Variants in COBL observed in about 807,000 individuals in gnomAD.
COBL encodes protein cordon-bleu.
In COBL, 51 loss-of-function variants were observed where a neutral mutation model predicts 98.8. That is an observed-to-expected ratio of 0.52 (90% CI 0.41 to 0.65). The LOEUF is 0.65. Ranked by LOEUF, COBL falls within the 30% of genes least tolerant of loss-of-function variation. The pLI, the probability that COBL is intolerant of heterozygous loss-of-function variation, is 0.00. For synonymous variants in COBL, 634 were observed against 651.7 expected, an observed-to-expected ratio of 0.97 and a Z score of 0.41; for missense variants, 1,617 against 1,617.5, an observed-to-expected ratio of 1.00 and a Z score of 0.01.
At chr7:51,189,120 G>C (rs1239931860) in intron 4 of COBL, among the ~76,000 whole-genome samples, 3 of 152,112 alleles carry the variant, frequency 2.0e-5, no homozygotes, top group Non-Finnish European at 4.4e-5. Flanking sequence ...AAAGACACTG[G>C]ATAAAACACA....
At chr7:51,124,157 G>C (rs1797993480) in intron 6 of COBL, among the ~76,000 whole-genome samples, 1 of 152,168 alleles carries the variant, frequency 6.6e-6, no homozygotes, top group Admixed American at 6.6e-5. Flanking sequence ...AAGAAGAACT[G>C]AACTGTTGCT....
chr7:51,112,570 A>C lies in COBL; in HGVS notation c.957+23588T>G, dbSNP rs539059582. Among the ~76,000 whole-genome samples, 44 of 152,314 alleles carry C rather than the reference A, an allele frequency of 2.9e-4. No homozygotes were observed. The South Asian group carries it at 9.1e-3, about 32-fold the overall frequency. On this transcript the variant is annotated intron_variant, in intron 6 of 12. Transcript: ENST00000265136. Reference sequence around the variant, plus strand: ...CACAGATCTTTCAGGGAGTTTCTACAGATCTCTTTCCTGAGCACCAGTATT... The same window carrying C: ...CACAGATCTTTCAGGGAGTTTCTACCGATCTCTTTCCTGAGCACCAGTATT...
chr7:51,273,432 T>C (rs890989478), intron 1 of COBL, among the ~76,000 whole-genome samples: 7 of 152,182 alleles, frequency 4.6e-5, no homozygotes, highest in Non-Finnish European at 1.0e-4. Context: ...ACAAAGGTTA[T>C]GTGTGGTGAA....
chr7:51,268,932 TAAA>T (rs34068228), intron 1 of COBL, among the ~76,000 whole-genome samples: 28 of 103,534 alleles, frequency 2.7e-4, no homozygotes, highest in South Asian at 9.3e-4. Context: ...CCCGTCTCAA[TAAA>T]AAAAAAAAAA....
chr7:51,292,054 G>A (rs1800951877), intron 1 of COBL, among the ~76,000 whole-genome samples: 1 of 151,778 alleles, frequency 6.6e-6, no homozygotes, highest in Admixed American at 6.6e-5. Flanking sequence ...AGGCTGAGCA[G>A]GAGAATCTCT....
intron 1 of COBL, among the ~76,000 whole-genome samples, chr7:51,224,544 G>A (rs1419748695): frequency 6.6e-6 from 1 of 151,784 alleles, no homozygotes. Flanking sequence ...TGGGGCAGGA[G>A]GAGAAGTCCC....
chr7:51,166,967 G>A (rs1731380838), intron 5 of COBL, among the ~76,000 whole-genome samples: 1 of 152,056 alleles, frequency 6.6e-6, no homozygotes, highest in Non-Finnish European at 1.5e-5. Context: ...CATAATAAAA[G>A]CCATATACAA....
chr7:51,087,117 C>T lies in COBL; in HGVS notation c.958-1813G>A, dbSNP rs199533403. ...GTTCTTTAAGACACACACATACACA[C>T]AAACACACACACACACACACAGAGA... is the stretch of plus-strand genomic sequence containing the variant. On this transcript the variant is annotated intron_variant, in intron 6 of 12. Coordinates refer to ENST00000265136, the MANE Select transcript of COBL (RefSeq NM_015198.5). Among the ~76,000 whole-genome samples, 5 of 64,162 alleles carry T rather than the reference C, an allele frequency of 7.8e-5. No homozygotes were observed. The South Asian group carries it at 2.1e-3, about 27-fold the overall frequency. 42.1% of individuals were successfully genotyped at this position (64,162 alleles called of 152,430 possible).
chr7:51,066,696 C>T (rs899398469), intron 7 of COBL, among the ~76,000 whole-genome samples: 7 of 152,114 alleles, frequency 4.6e-5, no homozygotes, highest in Admixed American at 6.5e-5. Flanking sequence ...GCCCCGACCC[C>T]GCTGGCAGCG....
chr7:51,210,122 C>T (rs1584187253), intron 2 of COBL, among the ~76,000 whole-genome samples: 1 of 152,194 alleles, frequency 6.6e-6, no homozygotes, highest in East Asian at 1.9e-4. Flanking sequence ...CCACAATCTG[C>T]TGGTCAATAC....
At chr7:51,086,595 TGGGAGAGAGAAAGG>T (rs1052252667) in intron 6 of COBL, among the ~76,000 whole-genome samples, 9 of 150,252 alleles carry the variant, frequency 6.0e-5, no homozygotes, top group African/African-American at 2.2e-4. Flanking sequence ...ACCACGTATA[TGGGAGAGAGAAAGG>T]GGGAGAGAGA....
At chr7:51,181,022 G>A (rs770319045) in intron 5 of COBL, among the ~76,000 whole-genome samples, 21 of 152,254 alleles carry the variant, frequency 1.4e-4, no homozygotes, top group Non-Finnish European at 2.4e-4. Flanking sequence ...AATTTCTGAC[G>A]TGACTGAGGT....
intron 1 of COBL, among the ~76,000 whole-genome samples, chr7:51,253,962 G>A (rs1296145167): frequency 6.6e-6 from 1 of 151,976 alleles, no homozygotes; most frequent in Non-Finnish European, 1.5e-5. Context: ...AAAAACTTGT[G>A]TAGTTCAAAA....
At chr7:51,269,597 G>A (rs773686398) in intron 1 of COBL, among the ~76,000 whole-genome samples, 4 of 152,220 alleles carry the variant, frequency 2.6e-5, no homozygotes, top group Non-Finnish European at 4.4e-5. Context: ...CTCCTTGCCC[G>A]TGGCTGCTTC....
At chr7:51,254,895 TG>T in intron 1 of COBL, among the ~76,000 whole-genome samples, 1 of 152,356 alleles carries the variant, frequency 6.6e-6, no homozygotes, top group Admixed American at 6.5e-5. Context: ...GTTGATGTAC[TG>T]GTTTCTCAGT....
In COBL at chr7:51,029,253, A is replaced by AG; in HGVS notation, c.1842dup (p.Ser616IlefsTer2). On this transcript the variant is annotated frameshift_variant, in exon 10 of 13. Coordinates refer to ENST00000265136, the MANE Select transcript of COBL (RefSeq NM_015198.5). LOFTEE classifies it high-confidence loss of function. The stretch of plus-strand genomic sequence containing the variant: ...TTCCCATCTTTAGAGATGTTAGATA[A>AG]GGCCACACGGATTCCTTTTCCGACG... The AG allele has an allele frequency of 6.2e-7, 1 of 1,612,246 alleles. No individual in the cohort carries two copies. The highest frequency in any genetic ancestry group is 8.5e-7 in the Non-Finnish European group (1 of 1,178,970).
At chr7:51,224,575 A>C (rs1793999011) in intron 1 of COBL, among the ~76,000 whole-genome samples, 1 of 152,168 alleles carries the variant, frequency 6.6e-6, no homozygotes, top group African/African-American at 2.4e-5. Context: ...AAGGAAAAAA[A>C]AAAATGCTGT....
At chr7:51,112,427 A>G (rs1357762937) in intron 6 of COBL, among the ~76,000 whole-genome samples, 2 of 152,194 alleles carry the variant, frequency 1.3e-5, no homozygotes, top group Non-Finnish European at 2.9e-5. Flanking sequence ...TTATTAACAC[A>G]ATGTTACCTC....
At chr7:51,203,222 G>GCTGCATTAAAAAAAGAGAGAA (rs1554427698) in intron 2 of COBL, among the ~76,000 whole-genome samples, 6 of 145,510 alleles carry the variant, frequency 4.1e-5, no homozygotes, top group African/African-American at 1.1e-4. Flanking sequence ...AAAACTCTTG[G>GCTGCATTAAAAAAAGAGAGAA]GAGGCCGAGG....
Sources: gnomAD v4.1 joint callset for allele counts (sites outside exome capture counted in the v4.1 genomes callset) on GRCh38, gnomAD v4.1.1 for gene constraint, MANE v1.5 for transcripts, NCBI Gene and HGNC (gene_info 2026-07-23, HGNC 2026-07-21) for gene names.